SCNM1: variants seen among roughly 807,000 people sequenced by gnomAD.
The protein encoded by SCNM1 is sodium channel modifier 1.
SCNM1 carries 24 observed loss-of-function variants against 32.8 expected under a neutral mutation model. The observed-to-expected ratio is 0.73, with a 90% confidence interval of 0.53 to 1.03. The LOEUF (loss-of-function observed/expected upper bound fraction) is 1.03. Among genes scored for constraint, SCNM1 ranks in the 50% least tolerant of loss-of-function variants. The probability of loss-of-function intolerance (pLI) is 0.00; values close to 1 mark genes in which losing one functional copy is unlikely to be tolerated. For synonymous variants in SCNM1, 99 were observed against 103.2 expected (o/e 0.96, Z 0.25); for missense variants, 274 against 282.3 (o/e 0.97, Z 0.21).
chr1:151,167,661 G>C (rs781261610), intron 5 of SCNM1: 60 of 457,272 alleles, frequency 1.3e-4, no homozygotes, highest in South Asian at 1.2e-3. Context: ...GTGAAATCCT[G>C]TCTCTACCAA....
At position 151,169,089 on chromosome 1, in the gene SCNM1, C is replaced by T. The variant is rs746587826; in HGVS notation, c.*4C>T. On this transcript the variant is annotated 3_prime_UTR_variant, in exon 7 of 7. Coordinates refer to ENST00000368905, the MANE Select transcript of SCNM1 (RefSeq NM_024041.4). ...ACCTGATCTCCCCTTGGACTGATAC[C>T]CTTTTCCCATTCATTCACAAATAAA... is the stretch of plus-strand genomic sequence containing the variant. 34 of 1,613,828 alleles carry T rather than the reference C, an allele frequency of 2.1e-5. No individual in the cohort carries two copies. Among genetic ancestry groups the T allele is most frequent in the African/African-American group, 2.7e-5 (2 of 74,840 alleles).
Position 151,170,204 on chromosome 1 carries a change from G to A in SCNM1, c.*1119G>A. 4.9e-6 allele frequency: 7 copies of A among 1,442,624 alleles called. No individual in the cohort carries two copies. The highest frequency in any genetic ancestry group is 2.9e-6 in the Non-Finnish European group (3 of 1,029,230). The allele number at this position is 1,442,624 out of a possible 1,614,324, so 89.4% of individuals were successfully genotyped here. On this transcript the variant is annotated 3_prime_UTR_variant, in exon 7 of 7. Transcript: ENST00000368905. ...GTCCCTTAGCCAAACTCATAAATTG[G>A]TAGTGTCTTAGGCCACCTTACAGGC...
intron 2 of SCNM1, 176 bp downstream of exon 2, chr1:151,166,717 T>G: frequency 8.0e-7 from 1 of 1,252,440 alleles, no homozygotes; most frequent in South Asian, 1.5e-5. Context: ...TACAAGCGCA[T>G]GCCACCACGC....
intron 5 of SCNM1, 57 bp downstream of exon 5, chr1:151,167,471 A>T (rs1683760866): frequency 6.3e-7 from 1 of 1,598,380 alleles, no homozygotes. Flanking sequence ...ATGGCTCTAA[A>T]AGAGTTTTCC....
At position 151,167,036 on chromosome 1, in the gene SCNM1, A is replaced by G; in HGVS notation, c.211+14A>G. On this transcript the variant is annotated intron_variant, in intron 3 of 6. Transcript: ENST00000368905. ...AACATCTGTCCAGTAAGTTAGGGGG[A>G]AGACGGGATGGGGAATAAACCCTCG... 1.2e-6 allele frequency: 2 copies of G among 1,614,030 alleles called. No homozygotes were observed. The highest frequency in any genetic ancestry group is 1.7e-6 in the Non-Finnish European group (2 of 1,180,012).
At chr1:151,168,467 G>A in intron 6 of SCNM1, 129 bp downstream of exon 6, 1 of 1,329,894 alleles carries the variant, frequency 7.5e-7, no homozygotes, top group Non-Finnish European at 9.9e-7. Flanking sequence ...GGAGTGCAAT[G>A]GCACGCTCTC....
intron 6 of SCNM1, 137 bp downstream of exon 6, chr1:151,168,475 C>G: frequency 1.6e-6 from 2 of 1,273,748 alleles, no homozygotes; most frequent in Non-Finnish European, 1.0e-6. Flanking sequence ...ATGGCACGCT[C>G]TCGGCTCACT....
chr1:151,169,331 G>C lies in SCNM1; in HGVS notation c.*246G>C. On this transcript the variant is annotated 3_prime_UTR_variant, in exon 7 of 7. Transcript: ENST00000368905. ...ACGATCTCGGCTCACTGCAAGCTCT[G>C]CCTCCCAGGTTCACGCCTTTCTCCT... 1 of 342,744 alleles carries C rather than the reference G, an allele frequency of 2.9e-6. No individual in the cohort carries two copies. Among genetic ancestry groups the C allele is most frequent in the Non-Finnish European group, 5.3e-6 (1 of 189,404 alleles). 21.2% of individuals were successfully genotyped at this position (342,744 alleles called of 1,614,324 possible).
Position 151,166,148 on chromosome 1 carries a change from T to G in SCNM1, c.-5T>G. Reference sequence around the variant, plus strand: ...AATTTATCACTTCTGGGACTCACAGTCGTGATGTCTTTCAAGAGGGAAGGA... The same window carrying G: ...AATTTATCACTTCTGGGACTCACAGGCGTGATGTCTTTCAAGAGGGAAGGA... On this transcript the variant is annotated 5_prime_UTR_variant, in exon 1 of 7. Coordinates refer to ENST00000368905, the MANE Select transcript of SCNM1 (RefSeq NM_024041.4). 1 of 1,599,094 alleles carries G rather than the reference T, an allele frequency of 6.3e-7. No homozygotes were observed.
At position 151,167,238 on chromosome 1, in the gene SCNM1, T is replaced by G. The variant is rs1186015524; in HGVS notation, c.309+20T>G. 1 of 1,612,774 alleles carries G rather than the reference T, an allele frequency of 6.2e-7. No individual in the cohort carries two copies. The highest frequency in any genetic ancestry group is 8.5e-7 in the Non-Finnish European group (1 of 1,179,664). The stretch of plus-strand genomic sequence containing the variant: ...GCTGAGGTAATCAGAGAGTGGAGAG[T>G]GTGTTCTAGGCAAGACCCTGCTGCA... On this transcript the variant is annotated intron_variant, in intron 4 of 6. Transcript: ENST00000368905.
Position 151,169,205 on chromosome 1 carries a change from C to A in SCNM1, c.*120C>A. ...GATCTGTTCATTCTCATTCCAACTA[C>A]TCCTTGCCTGCAAGGTACACAGCTC... On this transcript the variant is annotated 3_prime_UTR_variant, in exon 7 of 7. Transcript: ENST00000368905. 1 of 1,026,492 alleles carries A rather than the reference C, an allele frequency of 9.7e-7. No individual in the cohort carries two copies. The highest frequency in any genetic ancestry group is 1.4e-6 in the Non-Finnish European group (1 of 696,700). 63.6% of individuals were successfully genotyped at this position (1,026,492 alleles called of 1,614,324 possible). A position where few individuals can be genotyped will look rare whatever the true frequency, so the allele number is the denominator to read the frequency against.
At position 151,166,630 on chromosome 1, in the gene SCNM1, C is replaced by T. The variant is rs1683716584; in HGVS notation, c.122+89C>T. 2.0e-5 allele frequency: 31 copies of T among 1,532,450 alleles called. No individual in the cohort carries two copies. In the South Asian group the frequency reaches 3.4e-4, roughly 17 times the overall value. The allele number at this position is 1,532,450 out of a possible 1,614,324, so 94.9% of individuals were successfully genotyped here. On this transcript the variant is annotated intron_variant, in intron 2 of 6. Transcript: ENST00000368905. Reference sequence around the variant, plus strand: ...TTTTTTTCCTTTGAGACGGAGGTCTCGCGGTGCTGCCCAGGCTGCCCTCGA... The same window carrying T: ...TTTTTTTCCTTTGAGACGGAGGTCTTGCGGTGCTGCCCAGGCTGCCCTCGA...
At chr1:151,167,299 T>C (rs769277125) in intron 4 of SCNM1, 27 bp from the exon 5 acceptor site, 3 of 1,614,090 alleles carry the variant, frequency 1.9e-6, no homozygotes, top group Non-Finnish European at 1.7e-6. Context: ...CTGAAGGCTC[T>C]GACTCTGTCT....
At chr1:151,168,737 G>A (rs11577302) in intron 6 of SCNM1, among the ~76,000 whole-genome samples, 20,539 of 140,494 alleles carry the variant, frequency 0.15, 1,808 homozygotes, top group Admixed American at 0.22. Flanking sequence ...CTTTGGTTTC[G>A]TTTTGTTTTA....
chr1:151,170,255 A>C lies in SCNM1; in HGVS notation c.*1170A>C. ...CCATCCCACATTAACAAAACAAAACAAGAAACCACACCACAAATAAAATTA... is the reference window on the plus strand; with the variant it reads ...CCATCCCACATTAACAAAACAAAACCAGAAACCACACCACAAATAAAATTA... On this transcript the variant is annotated 3_prime_UTR_variant, in exon 7 of 7. Coordinates refer to ENST00000368905, the MANE Select transcript of SCNM1 (RefSeq NM_024041.4). 1.1e-6 allele frequency: 1 copy of C among 916,892 alleles called. No individual in the cohort carries two copies. The highest frequency in any genetic ancestry group is 1.7e-6 in the Non-Finnish European group (1 of 597,568). 56.8% of individuals were successfully genotyped at this position (916,892 alleles called of 1,614,324 possible). A position where few individuals can be genotyped will look rare whatever the true frequency, so the allele number is the denominator to read the frequency against.
chr1:151,166,386 T>G, intron 1 of SCNM1, 85 bp from the exon 2 acceptor site: 1 of 1,580,036 alleles, frequency 6.3e-7, no homozygotes, highest in Non-Finnish European at 8.6e-7. Context: ...TTATTCCATT[T>G]CACTCCTCAT....
chr1:151,167,729 G>A (rs1683773445), intron 5 of SCNM1: 7 of 375,942 alleles, frequency 1.9e-5, no homozygotes, highest in South Asian at 1.4e-4. Flanking sequence ...CTACTCAAGA[G>A]GCTGAGGCAG....
chr1:151,167,963 A>C lies in SCNM1; in HGVS notation c.399-181A>C, dbSNP rs918318601. The C allele has an allele frequency of 1.1e-5, 7 of 654,362 alleles. No homozygotes were observed. In the Admixed American group the frequency reaches 1.8e-4, roughly 17 times the overall value. 40.5% of individuals were successfully genotyped at this position (654,362 alleles called of 1,614,324 possible). On this transcript the variant is annotated intron_variant, in intron 5 of 6. Transcript: ENST00000368905. ...AACTATACAAAGTCTTAAGATTAAA[A>C]AAAACTTGTAAAATTTTAAGCTAGC...
At position 151,167,414 on chromosome 1, in the gene SCNM1, G is replaced by T; in HGVS notation, c.398G>T (p.Arg133Ile). 6.2e-7 allele frequency: 1 copy of T among 1,614,200 alleles called. No individual in the cohort carries two copies. The highest frequency in any genetic ancestry group is 1.1e-5 in the South Asian group (1 of 91,084). ...HYNSCCRRKY[R>I]PEAPGPSVSL... ...AACAGTTGCTGCCGCCGGAAGTACA[G>T]GTATGGGACGGGAAAGCCAGAGGTA... The change falls in exon 5 of 7, where the codon AGA becomes ATA. Residue 133 changes from arginine (R) to isoleucine (I), a missense_variant and splice_region_variant. Transcript: ENST00000368905.
Sources: gnomAD v4.1 joint callset for allele counts (sites outside exome capture counted in the v4.1 genomes callset) on GRCh38, gnomAD v4.1.1 for gene constraint, MANE v1.5 for transcripts, NCBI Gene and HGNC (gene_info 2026-07-23, HGNC 2026-07-21) for gene names.